The following TMPRSS15 variants were observed in gnomAD, a reference collection of about 807,000 sequenced individuals.
The protein encoded by TMPRSS15 is transmembrane serine protease 15.
In TMPRSS15, 128 loss-of-function variants were observed where a neutral mutation model predicts 125.3. The ratio of observed to expected loss-of-function variants is 1.02; its 90% confidence interval spans 0.89 to 1.18. The LOEUF (loss-of-function observed/expected upper bound fraction) is 1.18, where lower values mean the gene tolerates loss of function less well. TMPRSS15 is among the 50% of genes most tolerant of loss of function. The pLI, the probability that TMPRSS15 is intolerant of heterozygous loss-of-function variation, is 0.00. For synonymous variants in TMPRSS15, 446 were observed against 423.2 expected (o/e 1.05, Z -0.66); for missense variants, 1,283 against 1,212.7 (o/e 1.06, Z -0.86).
In TMPRSS15 at chr21:18,357,854, A is replaced by G. The variant is rs1266399060; in HGVS notation, c.880+1903T>C. On this transcript the variant is annotated intron_variant, in intron 8 of 24. Transcript: ENST00000284885. ...TTGTGCTAGATGCCAGTTGTAAGATAATATTAGTTTTCTTAGAAAAAATTA... is the reference window on the plus strand; with the variant it reads ...TTGTGCTAGATGCCAGTTGTAAGATGATATTAGTTTTCTTAGAAAAAATTA... Among the ~76,000 whole-genome samples, 3 of 151,796 alleles carry G rather than the reference A, an allele frequency of 2.0e-5. No homozygotes were observed. In the East Asian group the frequency reaches 5.8e-4, roughly 29 times the overall value.
chr21:18,462,906 C>T (rs2122953517), intron 1 of TMPRSS15, among the ~76,000 whole-genome samples: 5 of 152,096 alleles, frequency 3.3e-5, no homozygotes, highest in Non-Finnish European at 5.9e-5. Context: ...CAATATTCAA[C>T]ATTCTGAAAG....
At chr21:18,462,916 G>T (rs1316714006) in intron 1 of TMPRSS15, among the ~76,000 whole-genome samples, 2 of 152,012 alleles carry the variant, frequency 1.3e-5, no homozygotes, top group Non-Finnish European at 1.5e-5. Context: ...CATTCTGAAA[G>T]AAAAGAATTT....
intron 7 of TMPRSS15, among the ~76,000 whole-genome samples, chr21:18,361,192 G>A (rs2075676855): frequency 6.6e-6 from 1 of 152,028 alleles, no homozygotes; most frequent in African/African-American, 2.4e-5. Context: ...TAGTTTCAGA[G>A]AGGGGAGACT....
chr21:18,427,466 A>G lies in TMPRSS15; in HGVS notation c.11-29137T>C, dbSNP rs574806974. Among the ~76,000 whole-genome samples the G allele has an allele frequency of 7.9e-5, 12 of 152,348 alleles. No homozygotes were observed. The South Asian group carries it at 1.9e-3, about 24-fold the overall frequency. On this transcript the variant is annotated intron_variant, in intron 1 of 7. Transcript: ENST00000422787. ...TTTCTTTTAACAACTGTTCTGATGC[A>G]TGTAAACTCTCCTTTTGGTCTATGC...
chr21:18,390,212 A>T (rs1417305311), intron 3 of TMPRSS15, among the ~76,000 whole-genome samples: 1 of 152,192 alleles, frequency 6.6e-6, no homozygotes, highest in East Asian at 1.9e-4. Flanking sequence ...ACTCCTTCAC[A>T]CAGTAACATG....
intron 21 of TMPRSS15, among the ~76,000 whole-genome samples, chr21:18,288,471 A>C (rs1352426735): frequency 6.6e-6 from 1 of 151,666 alleles, no homozygotes; most frequent in Non-Finnish European, 1.5e-5. Context: ...TACCCCATAC[A>C]TTTACACAAA....
At chr21:18,315,034 C>T in intron 17 of TMPRSS15, 112 bp downstream of exon 17, 2 of 854,542 alleles carry the variant, frequency 2.3e-6, no homozygotes, top group Non-Finnish European at 3.9e-6. Context: ...GTTCTCGTTC[C>T]AAAGCATCAA....
At chr21:18,453,468 A>G (rs1333056560) in intron 1 of TMPRSS15, among the ~76,000 whole-genome samples, 1 of 152,238 alleles carries the variant, frequency 6.6e-6, no homozygotes, top group Non-Finnish European at 1.5e-5. Flanking sequence ...TTGCCTGATT[A>G]TGGAAGCTGG....
At chr21:18,383,948 GA>G (rs1341621482) in intron 3 of TMPRSS15, among the ~76,000 whole-genome samples, 170 bp from the exon 4 acceptor site, 4 of 152,138 alleles carry the variant, frequency 2.6e-5, no homozygotes, top group African/African-American at 9.7e-5. Flanking sequence ...ATGAGGGAAA[GA>G]AAAAGTGAAT....
intron 1 of TMPRSS15, among the ~76,000 whole-genome samples, chr21:18,485,063 A>G (rs977147868): frequency 1.8e-4 from 27 of 151,810 alleles, no homozygotes; most frequent in Non-Finnish European, 7.4e-5. Context: ...TTAATGTTTT[A>G]ATATAGTTCT....
At chr21:18,351,184 C>T (rs2824762) in intron 10 of TMPRSS15, among the ~76,000 whole-genome samples, 68,674 of 151,864 alleles carry the variant, frequency 0.45, 15,938 homozygotes, top group Middle Eastern at 0.58. Flanking sequence ...TATTAATCTT[C>T]GTAATTGGTC....
At chr21:18,393,809 G>A (rs2123104467) in intron 3 of TMPRSS15, among the ~76,000 whole-genome samples, 1 of 152,104 alleles carries the variant, frequency 6.6e-6, no homozygotes, top group South Asian at 2.1e-4. Flanking sequence ...TTGTAAGTAG[G>A]CAATTAAAAA....
chr21:18,421,973 C>A (rs1176791958), intron 1 of TMPRSS15, among the ~76,000 whole-genome samples: 2 of 150,458 alleles, frequency 1.3e-5, no homozygotes, highest in East Asian at 3.9e-4. Context: ...GGGCTGAAAG[C>A]AAGTATTACT....
chr21:18,450,270 T>C (rs973212941), intron 1 of TMPRSS15, among the ~76,000 whole-genome samples: 2 of 152,160 alleles, frequency 1.3e-5, no homozygotes, highest in Non-Finnish European at 2.9e-5. Context: ...TACATGTTTT[T>C]TTTTTCTAGC....
At chr21:18,380,790 G>A (rs2075886175) in intron 4 of TMPRSS15, among the ~76,000 whole-genome samples, 2 of 152,042 alleles carry the variant, frequency 1.3e-5, no homozygotes, top group African/African-American at 2.4e-5. Flanking sequence ...TCTCTATGCA[G>A]TTTACTTATG....
rs112833356 is a variant in TMPRSS15, at chr21:18,301,964, T to C, written c.2166-4135A>G. ...ATGAATTCTAGGGAGTAAAAAAGGA[T>C]ATCTCAAGGATACTTGCATGGTATT... On this transcript the variant is annotated intron_variant, in intron 18 of 24. Coordinates refer to ENST00000284885, the MANE Select transcript of TMPRSS15 (RefSeq NM_002772.3). Among the ~76,000 whole-genome samples the C allele has an allele frequency of 5.5e-3, 845 of 152,264 alleles. 6 individuals are homozygous for C. The highest frequency in any genetic ancestry group is 0.019 in the African/African-American group (799 of 41,544).
rs141210796 is a variant in TMPRSS15, at chr21:18,416,497, G to A, written c.11-18168C>T. Among the ~76,000 whole-genome samples, 1,155 of 151,930 alleles carry A rather than the reference G, an allele frequency of 7.6e-3. 18 individuals carry two copies. The highest frequency in any genetic ancestry group is 0.027 in the African/African-American group (1,105 of 41,472). ...TTTGTAGACTTACTATTATCATAAG[G>A]CATTTGTTTTTACAGCCCAGTGTTC... On this transcript the variant is annotated intron_variant, in intron 1 of 7. Coordinates refer to the TMPRSS15 transcript ENST00000422787.
intron 1 of TMPRSS15, among the ~76,000 whole-genome samples, chr21:18,416,680 T>C (rs567553124): frequency 2.6e-5 from 4 of 152,206 alleles, no homozygotes; most frequent in African/African-American, 9.6e-5. Context: ...TTGCAGCATA[T>C]TGTAAAGAAC....
intron 16 of TMPRSS15, among the ~76,000 whole-genome samples, chr21:18,324,089 A>AT (rs989893727): frequency 1.3e-4 from 19 of 149,912 alleles, no homozygotes; most frequent in South Asian, 2.1e-4. Context: ...TTGCTCATTA[A>AT]TTTTTTTTTT....
Sources: allele counts gnomAD v4.1 joint callset (sites outside exome capture counted in the v4.1 genomes callset), GRCh38; gene constraint gnomAD v4.1.1; transcripts MANE v1.5; gene names NCBI Gene and HGNC (gene_info 2026-07-23, HGNC 2026-07-21).